DOCK2: variants seen among roughly 807,000 people sequenced by gnomAD.
The protein encoded by DOCK2 is dedicator of cytokinesis protein 2.
DOCK2 carries 87 observed loss-of-function variants against 248.9 expected under a neutral mutation model. The observed-to-expected ratio is 0.35, with a 90% CI of 0.29 to 0.42. DOCK2 has a LOEUF of 0.42. Among genes scored for constraint, DOCK2 ranks in the 10% least tolerant of loss-of-function variants. The probability of loss-of-function intolerance (pLI) is 1.00; values close to 1 mark genes in which losing one functional copy is unlikely to be tolerated. For synonymous variants in DOCK2, 805 were observed against 821.6 expected, an observed-to-expected ratio of 0.98 and a Z score of 0.35; for missense variants, 1,747 against 2,300.2, an observed-to-expected ratio of 0.76 and a Z score of 4.92.
At chr5:169,842,905 A>C (rs1581271378) in intron 27 of DOCK2, among the ~76,000 whole-genome samples, 1 of 151,956 alleles carries the variant, frequency 6.6e-6, no homozygotes, top group Admixed American at 6.6e-5. Flanking sequence ...TGGCTCTTCT[A>C]ACACACATCC....
chr5:169,847,252 C>A (rs1770371392), intron 27 of DOCK2, among the ~76,000 whole-genome samples: 1 of 152,196 alleles, frequency 6.6e-6, no homozygotes, highest in South Asian at 2.1e-4. Flanking sequence ...CTACTTTTGG[C>A]TCTGTAAGGA....
intron 27 of DOCK2, among the ~76,000 whole-genome samples, chr5:169,843,550 AAC>A (rs763709412): frequency 6.6e-6 from 1 of 152,194 alleles, no homozygotes; most frequent in African/African-American, 2.4e-5. Flanking sequence ...AATAAATAAA[AAC>A]AGTTTTATTG....
At chr5:169,781,519 A>G (rs1416545017) in intron 25 of DOCK2, among the ~76,000 whole-genome samples, 1 of 152,222 alleles carries the variant, frequency 6.6e-6, no homozygotes, top group East Asian at 1.9e-4. Flanking sequence ...ACAGCATAGA[A>G]CAAGAGACAG....
chr5:169,674,268 G>A (rs200514075), intron 5 of DOCK2, 29 bp from the exon 6 acceptor site: 1 of 1,612,410 alleles, frequency 6.2e-7, no homozygotes, highest in African/African-American at 1.3e-5. Flanking sequence ...TTTAACACAG[G>A]TAATTATGGG....
intron 25 of DOCK2, among the ~76,000 whole-genome samples, chr5:169,792,217 G>A (rs1766380756): frequency 6.6e-6 from 1 of 152,148 alleles, no homozygotes; most frequent in Non-Finnish European, 1.5e-5. Context: ...GAATTCAGAT[G>A]TCATCGAATT....
At chr5:169,699,859 G>A (rs1339376315) in intron 12 of DOCK2, among the ~76,000 whole-genome samples, 155 bp from the exon 13 acceptor site, 1 of 152,208 alleles carries the variant, frequency 6.6e-6, no homozygotes, top group Non-Finnish European at 1.5e-5. Flanking sequence ...GAGATCGCCT[G>A]TTCCAGAGGC....
intron 27 of DOCK2, among the ~76,000 whole-genome samples, chr5:169,911,372 C>T (rs1774589437): frequency 6.6e-6 from 1 of 152,106 alleles, no homozygotes; most frequent in East Asian, 1.9e-4. Flanking sequence ...CATGCTATGG[C>T]GTTCACAGGA....
intron 25 of DOCK2, among the ~76,000 whole-genome samples, chr5:169,793,554 A>C (rs1766475080): frequency 6.6e-6 from 1 of 152,184 alleles, no homozygotes. Flanking sequence ...CCTGGTAGAC[A>C]GTCAGGGTGC....
chr5:169,903,533 G>C (rs1445939759), intron 27 of DOCK2, among the ~76,000 whole-genome samples: 1 of 151,636 alleles, frequency 6.6e-6, no homozygotes. Flanking sequence ...GGGGGCCGGG[G>C]GGCAGGGGGC....
At position 170,070,050 on chromosome 5, in the gene DOCK2, T is replaced by C. The variant is rs77947835; in HGVS notation, c.4728+830T>C. Among the ~76,000 whole-genome samples, 1,042 of 152,134 alleles carry C rather than the reference T, an allele frequency of 6.8e-3. 11 individuals carry two copies. The highest frequency in any genetic ancestry group is 0.024 in the African/African-American group (1,004 of 41,528). ...GCAACAGTCGGCTAGATCCCTCTCA[T>C]AGAGGCTTACACAGGGCTAGGCTTC... On this transcript the variant is annotated intron_variant, in intron 46 of 51. Coordinates refer to ENST00000520908, the MANE Select transcript of DOCK2 (RefSeq NM_004946.3).
At chr5:169,911,367 T>C (rs1435378817) in intron 27 of DOCK2, among the ~76,000 whole-genome samples, 1 of 152,192 alleles carries the variant, frequency 6.6e-6, no homozygotes, top group African/African-American at 2.4e-5. Flanking sequence ...CTTTTCATGC[T>C]ATGGCGTTCA....
intron 33 of DOCK2, among the ~76,000 whole-genome samples, 197 bp from the exon 34 acceptor site, chr5:170,027,666 C>G (rs551722247): frequency 1.1e-4 from 17 of 152,246 alleles, no homozygotes; most frequent in African/African-American, 2.2e-4. Context: ...CAGTTATCAC[C>G]CATGGCTCCC....
intron 27 of DOCK2, among the ~76,000 whole-genome samples, chr5:169,954,918 C>T (rs188798810): frequency 5.9e-5 from 9 of 152,286 alleles, no homozygotes; most frequent in East Asian, 3.9e-4. Context: ...TATGAGCAGA[C>T]GTTTTCACCA....
intron 22 of DOCK2, among the ~76,000 whole-genome samples, chr5:169,724,901 A>G (rs529949157): frequency 1.3e-5 from 2 of 152,276 alleles, no homozygotes; most frequent in East Asian, 1.9e-4. Flanking sequence ...GTTAGGCAGC[A>G]AGATTGTCTG....
intron 27 of DOCK2, among the ~76,000 whole-genome samples, chr5:169,904,934 G>A (rs6555877): frequency 0.34 from 52,049 of 151,888 alleles, 9,630 homozygotes; most frequent in South Asian, 0.42. Context: ...GAGAGACCCG[G>A]GTTTGAATCC....
intron 26 of DOCK2, among the ~76,000 whole-genome samples, chr5:169,812,017 C>T (rs1184169248): frequency 6.6e-6 from 1 of 152,192 alleles, no homozygotes; most frequent in East Asian, 1.9e-4. Flanking sequence ...TAAATTCTAG[C>T]TCTGCTGTTA....
chr5:170,053,941 G>A (rs983780580), intron 41 of DOCK2, among the ~76,000 whole-genome samples: 3 of 152,186 alleles, frequency 2.0e-5, no homozygotes, highest in African/African-American at 7.2e-5. Context: ...GGGGGATGAG[G>A]AAGCCTACAA....
intron 42 of DOCK2, 52 bp from the exon 43 acceptor site, chr5:170,056,632 G>A (rs537710102): frequency 3.3e-6 from 5 of 1,521,426 alleles, no homozygotes; most frequent in Non-Finnish European, 4.6e-6. Context: ...CAGATCGGGT[G>A]TCAGCAGCCG....
chr5:169,640,829 T>C (rs1233757395), intron 1 of DOCK2, among the ~76,000 whole-genome samples: 2 of 152,224 alleles, frequency 1.3e-5, no homozygotes, highest in Non-Finnish European at 1.5e-5. Context: ...TTGATTCTTA[T>C]TTGCATCCAG....
Sources: gnomAD v4.1 joint callset for allele counts (sites outside exome capture counted in the v4.1 genomes callset) on GRCh38, gnomAD v4.1.1 for gene constraint, MANE v1.5 for transcripts, NCBI Gene and HGNC (gene_info 2026-07-23, HGNC 2026-07-21) for gene names.